LIPC: variants seen among roughly 807,000 people sequenced by gnomAD.
The protein encoded by LIPC is lipase C, hepatic type, also known as hepatic triacylglycerol lipase.
LIPC carries 44 observed loss-of-function variants against 50.7 expected under a neutral mutation model. The ratio of observed to expected loss-of-function variants is 0.87; its 90% CI spans 0.68 to 1.11. The LOEUF (loss-of-function observed/expected upper bound fraction) is 1.11, where lower values mean the gene tolerates loss of function less well. Among genes scored for constraint, LIPC ranks in the 50% most tolerant of loss-of-function variants. The pLI is 0.00. For synonymous variants in LIPC, 271 were observed against 256.4 expected, an observed-to-expected ratio of 1.06 and a Z score of -0.54; for missense variants, 697 against 648.2, an observed-to-expected ratio of 1.08 and a Z score of -0.82.
chr15:58,563,813 G>GA, intron 8 of LIPC, 90 bp downstream of exon 8: 4 of 1,079,852 alleles, frequency 3.7e-6, no homozygotes, highest in Non-Finnish European at 5.5e-6. Context: ...TTCATCATGT[G>GA]AGGTGAGTAT....
chr15:58,520,613 C>G (rs534371919), intron 1 of LIPC, among the ~76,000 whole-genome samples: 5 of 152,138 alleles, frequency 3.3e-5, no homozygotes, highest in Non-Finnish European at 5.9e-5. Context: ...GTCCCAGAAA[C>G]GCTTGGCCAA....
At chr15:58,539,569 A>G (rs1893253758) in intron 2 of LIPC, among the ~76,000 whole-genome samples, 1 of 152,142 alleles carries the variant, frequency 6.6e-6, no homozygotes, top group African/African-American at 2.4e-5. Context: ...TGAACCCTCC[A>G]GAGATTTTGG....
At chr15:58,482,648 C>T (rs565031092) in intron 1 of LIPC, among the ~76,000 whole-genome samples, 8 of 152,204 alleles carry the variant, frequency 5.3e-5, no homozygotes, top group Non-Finnish European at 1.2e-4. Flanking sequence ...CCTCACTGAG[C>T]AGTGTTCCTG....
At chr15:58,564,453 C>T (rs528468784) in intron 8 of LIPC, among the ~76,000 whole-genome samples, 49 of 149,074 alleles carry the variant, frequency 3.3e-4, no homozygotes, top group African/African-American at 1.2e-3. Context: ...CAGGGCTGGG[C>T]GTGGTGGCTC....
intron 1 of LIPC, among the ~76,000 whole-genome samples, chr15:58,524,881 G>A (rs2140881417): frequency 6.6e-6 from 1 of 151,948 alleles, no homozygotes; most frequent in South Asian, 2.1e-4. Context: ...CTCTGCTTAT[G>A]GTCTTTTTTT....
intron 1 of LIPC, among the ~76,000 whole-genome samples, chr15:58,463,076 G>C (rs942971822): frequency 6.6e-5 from 10 of 152,226 alleles, no homozygotes; most frequent in Admixed American, 2.6e-4. Flanking sequence ...AGCAGCACTG[G>C]GGGTGTGTGG....
At chr15:58,541,728 G>T in intron 2 of LIPC, 57 bp from the exon 3 acceptor site, 1 of 1,541,250 alleles carries the variant, frequency 6.5e-7, no homozygotes. Flanking sequence ...GGAGAAGGAA[G>T]AAGGGTGAGC....
intron 1 of LIPC, among the ~76,000 whole-genome samples, chr15:58,461,610 G>T (rs1222292732): frequency 6.6e-6 from 1 of 150,920 alleles, no homozygotes; most frequent in Non-Finnish European, 1.5e-5. Flanking sequence ...TAGATATGGA[G>T]TTTCACCACA....
chr15:58,448,677 C>T lies in LIPC; in HGVS notation c.88+16557C>T, dbSNP rs560504141. ...AGCTTCCCTGGAAGATTCCAGGTAA[C>T]GCCCAGCAACCCTCAAAGGAAAATG... On this transcript the variant is annotated intron_variant, in intron 1 of 8. Coordinates refer to ENST00000299022, the MANE Select transcript of LIPC (RefSeq NM_000236.3). 7.2e-5 allele frequency among the ~76,000 whole-genome samples: 11 copies of T among 152,318 alleles called. No individual in the cohort carries two copies. The South Asian group carries it at 1.4e-3, about 20-fold the overall frequency.
At chr15:58,467,169 T>A (rs1258302410) in intron 1 of LIPC, among the ~76,000 whole-genome samples, 2 of 152,186 alleles carry the variant, frequency 1.3e-5, no homozygotes, top group Non-Finnish European at 2.9e-5. Flanking sequence ...AGTAGACCAA[T>A]GAAGCATGAA....
intron 1 of LIPC, among the ~76,000 whole-genome samples, chr15:58,434,535 G>A (rs761780208): frequency 1.4e-4 from 22 of 152,180 alleles, no homozygotes; most frequent in South Asian, 4.1e-4. Flanking sequence ...TACTGAGGCC[G>A]CAGTGCTCTG....
At chr15:58,487,158 T>C (rs571494212) in intron 1 of LIPC, among the ~76,000 whole-genome samples, 30 of 152,322 alleles carry the variant, frequency 2.0e-4, no homozygotes, top group African/African-American at 6.0e-4. Flanking sequence ...CAAGTACTTA[T>C]GAGATTTTCA....
At chr15:58,492,674 C>T (rs1357538108) in intron 1 of LIPC, among the ~76,000 whole-genome samples, 1 of 152,178 alleles carries the variant, frequency 6.6e-6, no homozygotes, top group African/African-American at 2.4e-5. Context: ...AGTTCTAAAA[C>T]CAAATCTAGG....
intron 1 of LIPC, among the ~76,000 whole-genome samples, chr15:58,517,249 T>C (rs1221693197): frequency 1.3e-5 from 2 of 152,248 alleles, no homozygotes; most frequent in African/African-American, 4.8e-5. Context: ...ATACCCAATG[T>C]TGTTTTGGTG....
At chr15:58,466,348 T>A (rs1439158594) in intron 1 of LIPC, among the ~76,000 whole-genome samples, 1 of 152,210 alleles carries the variant, frequency 6.6e-6, no homozygotes, top group Admixed American at 6.5e-5. Flanking sequence ...CTTTGTCAGG[T>A]GTCTTAGTTT....
chr15:58,536,018 G>T (rs11857019), intron 1 of LIPC, among the ~76,000 whole-genome samples: 15,099 of 152,214 alleles, frequency 0.099, 1,081 homozygotes, highest in African/African-American at 0.18. Context: ...TTGTGCCCAG[G>T]GCTACCCTCC....
At chr15:58,458,939 C>T (rs1595866098) in intron 1 of LIPC, among the ~76,000 whole-genome samples, 1 of 152,138 alleles carries the variant, frequency 6.6e-6, no homozygotes, top group Non-Finnish European at 1.5e-5. Flanking sequence ...AATCTGCCAT[C>T]GATAACATCA....
intron 2 of LIPC, among the ~76,000 whole-genome samples, chr15:58,540,507 T>C (rs1893283887): frequency 6.6e-6 from 1 of 152,140 alleles, no homozygotes. Context: ...GAGCCTAGAT[T>C]TGAACCCAAG....
rs114298327 is a variant in LIPC at position 58,512,422 on chromosome 15, C to A, written c.89-25911C>A. Among the ~76,000 whole-genome samples the A allele has an allele frequency of 9.0e-3, 1,365 of 152,240 alleles. 19 individuals are homozygous for A. The highest frequency in any genetic ancestry group is 0.031 in the African/African-American group (1,272 of 41,546). On this transcript the variant is annotated intron_variant, in intron 1 of 8. Transcript: ENST00000299022. ...TGGCTGTTTTTCTCTAAGTTTTCTA[C>A]AATGTTTTATTTTGCTTTTTAAGAC...
Sources: allele counts gnomAD v4.1 joint callset (sites outside exome capture counted in the v4.1 genomes callset), GRCh38; gene constraint gnomAD v4.1.1; transcripts MANE v1.5; gene names NCBI Gene and HGNC (gene_info 2026-07-23, HGNC 2026-07-21).